The following PDXDC1 variants were observed in gnomAD, a reference collection of about 807,000 sequenced individuals.
PDXDC1 encodes the protein pyridoxal-dependent decarboxylase domain-containing protein 1.
Under a neutral mutation model 100.1 loss-of-function variants are expected in PDXDC1, and 42 were observed. The ratio of observed to expected loss-of-function variants is 0.42; its 90% confidence interval spans 0.33 to 0.54. The LOEUF (loss-of-function observed/expected upper bound fraction) is 0.54, where lower values mean the gene tolerates loss of function less well. Ranked by LOEUF, PDXDC1 falls within the 20% of genes least tolerant of loss-of-function variation. The probability of loss-of-function intolerance (pLI) is 0.10; values close to 1 mark genes in which losing one functional copy is unlikely to be tolerated. For synonymous variants in PDXDC1, 260 were observed against 371.7 expected, an observed-to-expected ratio of 0.70 and a Z score of 3.46; for missense variants, 636 against 979.2, an observed-to-expected ratio of 0.65 and a Z score of 4.68.
At chr16:15,140,592 A>T (rs144472620), downstream of PDXDC1, among the ~76,000 whole-genome samples, 4 of 152,302 alleles carry the variant, frequency 2.6e-5, no homozygotes, top group East Asian at 7.7e-4. Context: ...ATCCCATGTC[A>T]GCAGTCAGTG....
rs570158264 is a variant in PDXDC1, at chr16:15,135,883, G to A, written c.1400-2996G>A. 29 of 1,571,520 alleles carry A rather than the reference G, an allele frequency of 1.8e-5. No homozygotes were observed. In the East Asian group the frequency reaches 5.1e-4, roughly 28 times the overall value. On this transcript the variant is annotated intron_variant, in intron 16 of 16. Coordinates refer to the PDXDC1 transcript ENST00000535621. ...ATGACACGACAAACACAAAGCAGTA[G>A]TGCCCCACAGGCAGCGCCAGCCGCG...
intron 16 of PDXDC1, among the ~76,000 whole-genome samples, chr16:15,055,087 T>C (rs527493466): frequency 4.6e-5 from 7 of 152,230 alleles, no homozygotes; most frequent in South Asian, 2.1e-4. Flanking sequence ...CAACAGATAT[T>C]AGGGGCTCGA....
At chr16:15,131,054 G>A (rs765886595) in intron 16 of PDXDC1, 7 of 1,578,100 alleles carry the variant, frequency 4.4e-6, no homozygotes, top group Non-Finnish European at 6.0e-6. Flanking sequence ...AACAAGGCCA[G>A]GGGGCCGCGT....
At chr16:14,988,080 G>A (rs530668067) in intron 1 of PDXDC1, among the ~76,000 whole-genome samples, 1 of 151,010 alleles carries the variant, frequency 6.6e-6, no homozygotes, top group East Asian at 2.0e-4. Flanking sequence ...CTCCCCACGT[G>A]ACACTCATTC....
intron 16 of PDXDC1, among the ~76,000 whole-genome samples, chr16:15,084,899 C>G (rs1451658898): frequency 3.3e-5 from 5 of 152,032 alleles, no homozygotes; most frequent in African/African-American, 7.2e-5. Context: ...AACCCCATCT[C>G]TACTAAAAAT....
intron 16 of PDXDC1, chr16:15,059,907 C>T (rs2044650535): frequency 5.9e-6 from 1 of 170,456 alleles, no homozygotes; most frequent in Admixed American, 6.5e-5. Context: ...TGAATTCCAT[C>T]AAGCTCCCCG....
chr16:15,049,818 A>G (rs552859912), intron 16 of PDXDC1, among the ~76,000 whole-genome samples: 1 of 152,370 alleles, frequency 6.6e-6, no homozygotes, highest in Admixed American at 6.5e-5. Context: ...CTAACTGCAC[A>G]GTCATGAGAA....
chr16:15,086,550 TGGG>T, intron 16 of PDXDC1: 2 of 1,545,914 alleles, frequency 1.3e-6, no homozygotes, highest in South Asian at 2.5e-5. Context: ...AAGAATAGGT[TGGG>T]GGGAAAAGGT....
intron 1 of PDXDC1, among the ~76,000 whole-genome samples, chr16:14,984,454 A>AGTGT (rs1247042159): frequency 9.1e-5 from 10 of 110,066 alleles, no homozygotes; most frequent in African/African-American, 3.5e-4. Context: ...AGAGAGAGAG[A>AGTGT]GTGTGTGTGT....
chr16:15,074,598 A>C, intron 16 of PDXDC1: 1 of 654,812 alleles, frequency 1.5e-6, no homozygotes, highest in Non-Finnish European at 2.4e-6. Context: ...AAATCATCTT[A>C]AACTCATACT....
Position 15,037,813 on chromosome 16 carries a change from C to A in PDXDC1, c.*1538C>A. On this transcript the variant is annotated 3_prime_UTR_variant, in exon 23 of 23. Transcript: ENST00000396410. ...ATTACCGACCAAAAAAAAAACTGGA[C>A]ATCAATTTTTTAGTAAACCAAAAAA... The A allele has an allele frequency of 2.2e-6, 1 of 450,478 alleles. No individual in the cohort carries two copies. Among genetic ancestry groups the A allele is most frequent in the East Asian group, 3.5e-5 (1 of 28,372 alleles). The allele number at this position is 450,478 out of a possible 1,614,324, so 27.9% of individuals were successfully genotyped here. A position where few individuals can be genotyped will look rare whatever the true frequency, so the allele number is the denominator to read the frequency against.
At chr16:14,999,090 C>T (rs1350408303) in intron 3 of PDXDC1, among the ~76,000 whole-genome samples, 3 of 152,272 alleles carry the variant, frequency 2.0e-5, no homozygotes, top group African/African-American at 7.2e-5. Flanking sequence ...AATTTTGAGA[C>T]AGAGTCTCGC....
intron 16 of PDXDC1, among the ~76,000 whole-genome samples, chr16:15,091,598 T>A (rs1423541504): frequency 2.0e-5 from 3 of 151,934 alleles, no homozygotes; most frequent in African/African-American, 7.3e-5. Flanking sequence ...TAGCTATACT[T>A]CTGTATTGAC....
chr16:15,126,157 C>A (rs1371346482), intron 16 of PDXDC1, among the ~76,000 whole-genome samples: 1 of 151,750 alleles, frequency 6.6e-6, no homozygotes, highest in Admixed American at 6.6e-5. Flanking sequence ...GGCTCAGCCT[C>A]CTGAGTAGCT....
At chr16:15,075,790 G>T (rs1393477750) in intron 16 of PDXDC1, among the ~76,000 whole-genome samples, 1 of 152,098 alleles carries the variant, frequency 6.6e-6, no homozygotes, top group African/African-American at 2.4e-5. Flanking sequence ...ACCATGGCGG[G>T]TGCTTTTGGT....
At chr16:15,029,008 C>A in intron 15 of PDXDC1, 42 bp downstream of exon 15, 1 of 1,591,110 alleles carries the variant, frequency 6.3e-7, no homozygotes, top group Non-Finnish European at 8.6e-7. Context: ...AGGTCCCCGT[C>A]CATCACCATC....
rs919354875 is a variant in PDXDC1 at position 15,037,128 on chromosome 16, C to T, written c.*853C>T. On this transcript the variant is annotated 3_prime_UTR_variant, in exon 23 of 23. Coordinates refer to ENST00000396410, the MANE Select transcript of PDXDC1 (RefSeq NM_015027.4). ...GAAAACAAGTACCCCTTTGACCTGT[C>T]TCCCACTGAAGCTTCTACTGCCCTG... The T allele has an allele frequency of 6.6e-6, 1 of 152,262 alleles. No individual in the cohort carries two copies. The highest frequency in any genetic ancestry group is 2.4e-5 in the African/African-American group (1 of 41,460). The allele number at this position is 152,262 out of a possible 1,614,324, so 9.4% of individuals were successfully genotyped here.
intron 1 of PDXDC1, among the ~76,000 whole-genome samples, chr16:14,985,024 G>A (rs143754060): frequency 2.4e-4 from 36 of 152,090 alleles, no homozygotes; most frequent in African/African-American, 6.3e-4. Flanking sequence ...ACAGGTGCCC[G>A]CCATTGCACA....
intron 1 of PDXDC1, among the ~76,000 whole-genome samples, chr16:14,993,532 C>T (rs1449861675): frequency 6.6e-6 from 1 of 152,292 alleles, no homozygotes; most frequent in Non-Finnish European, 1.5e-5. Context: ...TTTCTTAATC[C>T]AGTCTATCAT....
Sources: allele counts gnomAD v4.1 joint callset (sites outside exome capture counted in the v4.1 genomes callset), GRCh38; gene constraint gnomAD v4.1.1; transcripts MANE v1.5; gene names NCBI Gene and HGNC (gene_info 2026-07-23, HGNC 2026-07-21).